Variants in FGF14 observed in about 807,000 individuals in gnomAD.
FGF14 encodes fibroblast growth factor 14, also known as fibroblast growth factor homologous factor 4.
Under a neutral mutation model 25.5 loss-of-function variants are expected in FGF14, and 5 were observed. That is an observed-to-expected ratio of 0.20 (90% CI 0.10 to 0.41). FGF14 has a LOEUF of 0.41. Ranked by LOEUF, FGF14 falls within the 10% of genes least tolerant of loss-of-function variation. The probability of loss-of-function intolerance (pLI) is 1.00; values close to 1 mark genes in which losing one functional copy is unlikely to be tolerated. For synonymous variants in FGF14, 138 were observed against 118.3 expected (o/e 1.17, Z -1.08); for missense variants, 222 against 320.1 (o/e 0.69, Z 2.34).
At chr13:102,145,343 C>T (rs576331900) in intron 1 of FGF14, among the ~76,000 whole-genome samples, 19 of 152,166 alleles carry the variant, frequency 1.2e-4, no homozygotes, top group East Asian at 1.9e-4. Flanking sequence ...TGTTGGGTGA[C>T]GTCTGGATCT....
At position 101,960,656 on chromosome 13, in the gene FGF14, C is replaced by T. The variant is rs118105753; in HGVS notation, c.209-85360G>A. Among the ~76,000 whole-genome samples, 1,192 of 152,176 alleles carry T rather than the reference C, an allele frequency of 7.8e-3. 10 individuals are homozygous for T. Among genetic ancestry groups the T allele is most frequent in the Admixed American group, 0.031 (471 of 15,264 alleles). On this transcript the variant is annotated intron_variant, in intron 1 of 4. Transcript: ENST00000376131. ...TGAATAGGGCTGCAATGAACATACA[C>T]GTATATATATCTTTACAATAGAATG... is the stretch of plus-strand genomic sequence containing the variant.
At chr13:102,290,365 C>T (rs935293001) in intron 1 of FGF14, among the ~76,000 whole-genome samples, 1 of 152,136 alleles carries the variant, frequency 6.6e-6, no homozygotes, top group African/African-American at 2.4e-5. Flanking sequence ...TTGGACATCC[C>T]AGCTTCCAGA....
intron 1 of FGF14, among the ~76,000 whole-genome samples, chr13:102,064,899 A>G (rs541015901): frequency 6.6e-6 from 1 of 152,066 alleles, no homozygotes; most frequent in Non-Finnish European, 1.5e-5. Flanking sequence ...GGATTTTAGC[A>G]TTCATAGAAG....
intron 1 of FGF14, chr13:102,002,237 A>G (rs1182022700): frequency 6.6e-6 from 1 of 152,232 alleles, no homozygotes; most frequent in Non-Finnish European, 1.5e-5. Flanking sequence ...CTTATTTCAC[A>G]GTTAATTTCC....
intron 1 of FGF14, among the ~76,000 whole-genome samples, chr13:102,099,535 A>G (rs2044561010): frequency 6.6e-6 from 1 of 152,054 alleles, no homozygotes; most frequent in Non-Finnish European, 1.5e-5. Flanking sequence ...CAGTTATATC[A>G]CCTAATTCTT....
intron 3 of FGF14, among the ~76,000 whole-genome samples, chr13:101,765,479 T>G (rs752211006): frequency 1.3e-5 from 2 of 152,136 alleles, no homozygotes; most frequent in Non-Finnish European, 2.9e-5. Context: ...TCACAAATTG[T>G]GCTAGAAGAC....
At chr13:102,399,857 C>T (rs1338726924) in intron 1 of FGF14, among the ~76,000 whole-genome samples, 1 of 152,062 alleles carries the variant, frequency 6.6e-6, no homozygotes, top group African/African-American at 2.4e-5. Flanking sequence ...ACTGCAGCAC[C>T]GAGTCCACGG....
intron 1 of FGF14, among the ~76,000 whole-genome samples, chr13:102,114,018 T>G (rs929760372): frequency 2.6e-5 from 4 of 152,176 alleles, no homozygotes; most frequent in African/African-American, 9.7e-5. Flanking sequence ...GATCCAATCC[T>G]TCAACCATCA....
intron 1 of FGF14, among the ~76,000 whole-genome samples, chr13:102,095,447 T>C (rs1455909573): frequency 6.6e-6 from 1 of 152,162 alleles, no homozygotes; most frequent in African/African-American, 2.4e-5. Context: ...ACAAAGCAAA[T>C]GGTGAAAGAA....
At chr13:102,135,016 TCCAC>T (rs755949784) in intron 1 of FGF14, among the ~76,000 whole-genome samples, 4 of 96,312 alleles carry the variant, frequency 4.2e-5, no homozygotes, top group Non-Finnish European at 6.0e-5. Context: ...AGACCCCGTG[TCCAC>T]ACACACACAC....
intron 1 of FGF14, among the ~76,000 whole-genome samples, chr13:102,099,385 T>A (rs1311460936): frequency 6.6e-6 from 1 of 152,194 alleles, no homozygotes; most frequent in Non-Finnish European, 1.5e-5. Flanking sequence ...TCTCTCTGCA[T>A]CCCACTTTCT....
In FGF14 at chr13:102,192,625, T is replaced by C. The variant is rs1404797969; in HGVS notation, c.208+208846A>G. Among the ~76,000 whole-genome samples, 7 of 152,320 alleles carry C rather than the reference T, an allele frequency of 4.6e-5. No homozygotes were observed. The South Asian group carries it at 1.4e-3, about 32-fold the overall frequency. ...TTTGATTAGGTATCTCCTTAGCTAATTATCTAATTTTATCACTTGCAAAAT... is the reference window on the plus strand; with the variant it reads ...TTTGATTAGGTATCTCCTTAGCTAACTATCTAATTTTATCACTTGCAAAAT... On this transcript the variant is annotated intron_variant, in intron 1 of 4. Coordinates refer to the FGF14 transcript ENST00000376131.
At chr13:101,927,296 AAATG>A (rs1245188236) in intron 1 of FGF14, among the ~76,000 whole-genome samples, 12 of 152,218 alleles carry the variant, frequency 7.9e-5, no homozygotes, top group African/African-American at 2.9e-4. Flanking sequence ...ACATATCAGC[AAATG>A]AATCTCTCCC....
At chr13:102,167,707 T>C (rs1194623856) in intron 1 of FGF14, among the ~76,000 whole-genome samples, 1 of 151,854 alleles carries the variant, frequency 6.6e-6, no homozygotes, top group Non-Finnish European at 1.5e-5. Context: ...AGTATACAAG[T>C]GGGATTTTTT....
chr13:102,343,939 C>T (rs908545854), intron 1 of FGF14, among the ~76,000 whole-genome samples: 3 of 152,124 alleles, frequency 2.0e-5, no homozygotes, highest in African/African-American at 7.2e-5. Flanking sequence ...ATTCTCATAA[C>T]CATATTCTCT....
chr13:101,901,626 C>T (rs1161215908), intron 1 of FGF14, among the ~76,000 whole-genome samples: 1 of 152,146 alleles, frequency 6.6e-6, no homozygotes, highest in African/African-American at 2.4e-5. Flanking sequence ...ATTACTTGAA[C>T]CCCAGAAGTG....
At chr13:102,131,482 C>A (rs1038102334) in intron 1 of FGF14, among the ~76,000 whole-genome samples, 1 of 152,168 alleles carries the variant, frequency 6.6e-6, no homozygotes, top group Non-Finnish European at 1.5e-5. Context: ...CTCCCCTCCC[C>A]AGCCTGGTCT....
chr13:102,191,097 A>C (rs918087925), intron 1 of FGF14, among the ~76,000 whole-genome samples: 2 of 152,158 alleles, frequency 1.3e-5, no homozygotes, highest in South Asian at 4.1e-4. Flanking sequence ...GGAAACCTCT[A>C]CTAGTAGGGC....
rs71125054 is a variant in FGF14, at chr13:102,188,946, GAGAAAGAAAGAAAGAA to G, written c.208+212509_208+212524del. 4.4e-3 allele frequency among the ~76,000 whole-genome samples: 402 copies of G among 90,904 alleles called. 5 individuals carry two copies. The highest frequency in any genetic ancestry group is 0.012 in the South Asian group (29 of 2,362). 59.6% of individuals were successfully genotyped at this position (90,904 alleles called of 152,430 possible). A position where few individuals can be genotyped will look rare whatever the true frequency, so the allele number is the denominator to read the frequency against. ...ACAGAGTGAGAAAAAAAAGAAAGGA[GAGAAAGAAAGAAAGAA>G]AGAAAGAAAGAAAGAAAGAAAGAAA... On this transcript the variant is annotated intron_variant, in intron 1 of 4. Transcript: ENST00000376131.
Sources: allele counts gnomAD v4.1 joint callset (sites outside exome capture counted in the v4.1 genomes callset), GRCh38; gene constraint gnomAD v4.1.1; transcripts MANE v1.5; gene names NCBI Gene and HGNC (gene_info 2026-07-23, HGNC 2026-07-21).